The following GUCD1 variants were observed in gnomAD, a reference collection of about 807,000 sequenced individuals.
GUCD1 encodes protein GUCD1.
A neutral mutation model predicts 28.3 loss-of-function variants in GUCD1; 17 were observed. The ratio of observed to expected loss-of-function variants is 0.60; its 90% CI spans 0.41 to 0.90. GUCD1 has a LOEUF of 0.90. Among genes scored for constraint, GUCD1 ranks in the 40% least tolerant of loss-of-function variants. GUCD1 has a pLI of 0.00. For missense variants in GUCD1, 279 were observed against 305.5 expected (o/e 0.91, Z 0.65); for synonymous variants, 129 against 123.3 (o/e 1.05, Z -0.30).
At chr22:24,555,287 T>C (rs1017295311), upstream of GUCD1, 6 of 1,369,630 alleles carry the variant, frequency 4.4e-6, no homozygotes, top group African/African-American at 5.9e-5. Flanking sequence ...CAGCGTTGAG[T>C]GGCCCCACCC....
chr22:24,554,752 G>A (rs562026623), intron 1 of GUCD1, among the ~76,000 whole-genome samples, 197 bp downstream of exon 1: 3 of 152,356 alleles, frequency 2.0e-5, no homozygotes, highest in Admixed American at 6.5e-5. Context: ...TGGTGCCCCT[G>A]CTACCCGGAC....
chr22:24,555,646 T>C (rs1601560406), upstream of GUCD1: 1 of 1,550,682 alleles, frequency 6.4e-7, no homozygotes, highest in Non-Finnish European at 8.7e-7. Flanking sequence ...AATGAAATTG[T>C]GACGGGAAGT....
At chr22:24,547,275 C>T (rs979443420) in intron 3 of GUCD1, 8 of 450,694 alleles carry the variant, frequency 1.8e-5, no homozygotes, top group Non-Finnish European at 3.3e-5. Flanking sequence ...TGGGGAGGAT[C>T]GATCACCCTT....
intron 1 of GUCD1, among the ~76,000 whole-genome samples, chr22:24,553,766 G>A (rs115389660): frequency 3.3e-5 from 5 of 152,354 alleles, no homozygotes; most frequent in African/African-American, 9.6e-5. Flanking sequence ...CTTGCCCTGC[G>A]CTCTAGAACT....
rs777254624 is a variant in GUCD1, at chr22:24,553,474, T to TA, written c.43+1474dup. Among the ~76,000 whole-genome samples, 57 of 152,170 alleles carry TA rather than the reference T, an allele frequency of 3.7e-4. 1 individual carries two copies. Among genetic ancestry groups the TA allele is most frequent in the Non-Finnish European group, 7.8e-4 (53 of 68,024 alleles). On this transcript the variant is annotated intron_variant, in intron 1 of 5. Coordinates refer to ENST00000435822, the MANE Select transcript of GUCD1 (RefSeq NM_001284254.2). ...CAACCCTCAGCCCAGAGTAGGCACT[T>TA]AGATATGCTTGGGGAATGGAAGGCG...
At chr22:24,543,143 G>C (rs753220352) in intron 5 of GUCD1, 46 bp from the exon 6 acceptor site, 2 of 1,363,958 alleles carry the variant, frequency 1.5e-6, no homozygotes, top group Non-Finnish European at 2.1e-6. Flanking sequence ...GGTTGTGAGA[G>C]AGCACCTACA....
intron 1 of GUCD1, 32 bp downstream of exon 1, chr22:24,554,917 G>C: frequency 6.6e-7 from 1 of 1,521,900 alleles, no homozygotes; most frequent in Middle Eastern, 1.7e-4. Flanking sequence ...TCGTTCCTAG[G>C]GTGAAGACTG....
At position 24,543,954 on chromosome 22, in the gene GUCD1, A is replaced by G. The variant is rs144330841; in HGVS notation, c.516T>C (p.Ser172=). The change falls in exon 5 of 6, where the codon AGT becomes AGC. Residue 172 remains serine (S), a synonymous_variant. Coordinates refer to ENST00000435822, the MANE Select transcript of GUCD1 (RefSeq NM_001284254.2). ...GAGTGCGGCAGAAGCAGTGGTGGCC[A>G]CTGGGGGTGAAGCAGCAGTACTTGA... ...SPVKYCCFTP[S]GHHCFCRTPD... 5.3e-4 allele frequency: 857 copies of G among 1,614,058 alleles called. 5 individuals are homozygous for G. The Middle Eastern group carries it at 0.01, about 19-fold the overall frequency.
At chr22:24,544,905 A>G (rs2044686528) in intron 4 of GUCD1, among the ~76,000 whole-genome samples, 1 of 152,164 alleles carries the variant, frequency 6.6e-6, no homozygotes, top group Non-Finnish European at 1.5e-5. Context: ...TTGTGGTTCC[A>G]GCTACTCGGG....
At chr22:24,545,914 G>A (rs1369589179) in intron 4 of GUCD1, among the ~76,000 whole-genome samples, 2 of 146,962 alleles carry the variant, frequency 1.4e-5, no homozygotes, top group African/African-American at 2.5e-5. Flanking sequence ...TTTAAAGCCC[G>A]GGGCAGTACT....
intron 1 of GUCD1, among the ~76,000 whole-genome samples, chr22:24,550,407 C>T (rs1396133766): frequency 6.6e-6 from 1 of 152,138 alleles, no homozygotes; most frequent in Non-Finnish European, 1.5e-5. Flanking sequence ...GTGCTAAGGC[C>T]CTGAGGTGGG....
At chr22:24,543,321 A>T (rs743366) in intron 5 of GUCD1, among the ~76,000 whole-genome samples, 6 of 151,988 alleles carry the variant, frequency 3.9e-5, no homozygotes, top group South Asian at 2.1e-4. Flanking sequence ...AGGCCCAGAG[A>T]GGGGCAGAAA....
Position 24,548,404 on chromosome 22 carries a change from C to T in GUCD1, c.129-331G>A, listed in dbSNP as rs374924016. ...CATCAGTGGTTTTCAAAGTTTTAGGCAAAGAACGCTTTTGTTGAATTTTCT... is the reference window on the plus strand; with the variant it reads ...CATCAGTGGTTTTCAAAGTTTTAGGTAAAGAACGCTTTTGTTGAATTTTCT... On this transcript the variant is annotated intron_variant, in intron 2 of 5. Transcript: ENST00000435822. Among the ~76,000 whole-genome samples, 14 of 152,204 alleles carry T rather than the reference C, an allele frequency of 9.2e-5. No homozygotes were observed. In the East Asian group the frequency reaches 1.2e-3, roughly 13 times the overall value.
chr22:24,540,487 T>A lies in GUCD1; in HGVS notation c.*2519A>T, dbSNP rs977845843. 1 of 152,178 alleles carries A rather than the reference T, an allele frequency of 6.6e-6. No individual in the cohort carries two copies. The highest frequency in any genetic ancestry group is 1.5e-5 in the Non-Finnish European group (1 of 68,042). 9.4% of individuals were successfully genotyped at this position (152,178 alleles called of 1,614,324 possible). On this transcript the variant is annotated 3_prime_UTR_variant, in exon 6 of 6. Transcript: ENST00000435822. ...TGAGAATGGCTCATTACAAACAAAA[T>A]ATATATAAAATCTCTGCAATGCAAA...
rs1394016573 is a variant in GUCD1, at chr22:24,541,661, T to G, written c.*1345A>C. Reference sequence around the variant, plus strand: ...AAAAAAAAAATCCATTTCCTTTAGTTTTTTAGGTGCAGACTGGGGTTCAAG... The same window carrying G: ...AAAAAAAAAATCCATTTCCTTTAGTGTTTTAGGTGCAGACTGGGGTTCAAG... On this transcript the variant is annotated 3_prime_UTR_variant, in exon 6 of 6. Coordinates refer to ENST00000435822, the MANE Select transcript of GUCD1 (RefSeq NM_001284254.2). The G allele has an allele frequency of 1.3e-5, 2 of 151,988 alleles. No individual in the cohort carries two copies. The highest frequency in any genetic ancestry group is 2.9e-5 in the Non-Finnish European group (2 of 68,066). The allele number at this position is 151,988 out of a possible 1,614,324, so 9.4% of individuals were successfully genotyped here. A position where few individuals can be genotyped will look rare whatever the true frequency, so the allele number is the denominator to read the frequency against.
At chr22:24,546,672 CT>C (rs2044735647) in intron 4 of GUCD1, among the ~76,000 whole-genome samples, 1 of 152,226 alleles carries the variant, frequency 6.6e-6, no homozygotes, top group African/African-American at 2.4e-5. Flanking sequence ...TCTCACTCAC[CT>C]ATCCCTCCAG....
At chr22:24,549,591 A>C (rs1019952066) in intron 1 of GUCD1, among the ~76,000 whole-genome samples, 1 of 151,878 alleles carries the variant, frequency 6.6e-6, no homozygotes, top group Non-Finnish European at 1.5e-5. Flanking sequence ...GGCTCACTGC[A>C]ACCTGCGATT....
chr22:24,540,510 A>C lies in GUCD1; in HGVS notation c.*2496T>G, dbSNP rs1385083230. The C allele has an allele frequency of 6.6e-6, 1 of 152,236 alleles. No homozygotes were observed. Among genetic ancestry groups the C allele is most frequent in the East Asian group, 1.9e-4 (1 of 5,198 alleles). 9.4% of individuals were successfully genotyped at this position (152,236 alleles called of 1,614,324 possible). A position where few individuals can be genotyped will look rare whatever the true frequency, so the allele number is the denominator to read the frequency against. On this transcript the variant is annotated 3_prime_UTR_variant, in exon 6 of 6. Transcript: ENST00000435822. ...AATATATATAAAATCTCTGCAATGCAAAAGATCCCTTTCATCCCCGTGGCT... is the reference window on the plus strand; with the variant it reads ...AATATATATAAAATCTCTGCAATGCCAAAGATCCCTTTCATCCCCGTGGCT...
In GUCD1 at chr22:24,554,971, T is replaced by C. The variant is rs1341856076; in HGVS notation, c.21A>G (p.Ala7=). 92 of 1,561,868 alleles carry C rather than the reference T, an allele frequency of 5.9e-5. No homozygotes were observed. Among genetic ancestry groups the C allele is most frequent in the Non-Finnish European group, 7.9e-5 (91 of 1,157,220 alleles). The change falls in exon 1 of 6, where the codon GCA becomes GCG. Residue 7 remains alanine, a synonymous_variant. Coordinates refer to ENST00000435822, the MANE Select transcript of GUCD1 (RefSeq NM_001284254.2). Reference sequence around the variant, plus strand: ...GACCGGGCTCGAGCGGCGGCCCCGCTGCCTCCGCCTCCGTCCTCATGACCC... The same window carrying C: ...GACCGGGCTCGAGCGGCGGCCCCGCCGCCTCCGCCTCCGTCCTCATGACCC... MRTEAE[A]AGPPLEPGDF...
Sources: allele counts gnomAD v4.1 joint callset (sites outside exome capture counted in the v4.1 genomes callset), GRCh38; gene constraint gnomAD v4.1.1; transcripts MANE v1.5; gene names NCBI Gene and HGNC (gene_info 2026-07-23, HGNC 2026-07-21).